The following EPHA8 variants were observed in gnomAD, a reference collection of about 807,000 sequenced individuals.
EPHA8 encodes ephrin type-A receptor 8.
In EPHA8, 58 loss-of-function variants were observed where a neutral mutation model predicts 103.6. That is an observed-to-expected ratio of 0.56 (90% CI 0.45 to 0.70). EPHA8 has a LOEUF of 0.70. Among genes scored for constraint, EPHA8 ranks in the 30% least tolerant of loss-of-function variants. The pLI, the probability that EPHA8 is intolerant of heterozygous loss-of-function variation, is 0.00. For synonymous variants in EPHA8, 559 were observed against 572.5 expected, an observed-to-expected ratio of 0.98 and a Z score of 0.34; for missense variants, 1,304 against 1,395.2, an observed-to-expected ratio of 0.93 and a Z score of 1.04.
At chr1:22,592,188 G>A (rs1202536487) in intron 5 of EPHA8, among the ~76,000 whole-genome samples, 6 of 152,056 alleles carry the variant, frequency 3.9e-5, no homozygotes, top group African/African-American at 1.4e-4. Context: ...GAGCCCTCTC[G>A]GACGCGAACC....
chr1:22,586,627 C>A lies in EPHA8; in HGVS notation c.971C>A (p.Ala324Asp). Reference sequence around the variant, plus strand: ...GCAGCCCTGGACCCGCCGTCCTCAGCCTGCACCCGTGAGTACCACTCCGAG... The same window carrying A: ...GCAGCCCTGGACCCGCCGTCCTCAGACTGCACCCGTGAGTACCACTCCGAG... ...YRAALDPPSS[A>D]CTRPPSAPVN... is the part of the protein sequence containing the mutation. Residue 324 changes from alanine (A) to aspartate (D), a missense_variant, in exon 4 of 17, where the codon GCC (alanine) becomes GAC (aspartate). Ala to Asp is a moderately radical substitution (Grantham distance 126, BLOSUM62 -2). Coordinates refer to ENST00000166244, the MANE Select transcript of EPHA8 (RefSeq NM_020526.5). The A allele has an allele frequency of 1.2e-6, 2 of 1,613,858 alleles. No individual in the cohort carries two copies. The highest frequency in any genetic ancestry group is 8.5e-7 in the Non-Finnish European group (1 of 1,179,908).
chr1:22,573,796 C>T (rs1157247728), intron 2 of EPHA8, among the ~76,000 whole-genome samples: 1 of 152,206 alleles, frequency 6.6e-6, no homozygotes, highest in African/African-American at 2.4e-5. Flanking sequence ...TTCTGCAGAC[C>T]TCCACCCTTG....
chr1:22,602,256 T>C lies in EPHA8; in HGVS notation c.*515T>C, dbSNP rs1180883643. ...GGAGGTGTGTGAGCAGGGAACTCAGTGTGACACCGCCAGGTCCAGCACCCA... is the reference window on the plus strand; with the variant it reads ...GGAGGTGTGTGAGCAGGGAACTCAGCGTGACACCGCCAGGTCCAGCACCCA... On this transcript the variant is annotated 3_prime_UTR_variant, in exon 17 of 17. Transcript: ENST00000166244. 1 of 174,256 alleles carries C rather than the reference T, an allele frequency of 5.7e-6. No homozygotes were observed. Among genetic ancestry groups the C allele is most frequent in the Non-Finnish European group, 1.2e-5 (1 of 84,266 alleles). 10.8% of individuals were successfully genotyped at this position (174,256 alleles called of 1,614,324 possible).
rs1160657874 is a variant in EPHA8, at chr1:22,600,755, T to C, written c.2483T>C (p.Met828Thr). 3.7e-6 allele frequency: 6 copies of C among 1,612,910 alleles called. No individual in the cohort carries two copies. Among genetic ancestry groups the C allele is most frequent in the Admixed American group, 1.7e-5 (1 of 59,912 alleles). ...GACGTGTGGAGCTTCGGCGTGGTCA[T>C]GTGGGAGGTGCTGGCCTATGGGGAG... Reference protein sequence around the residue: ...ASDVWSFGVVMWEVLAYGERP... With the variant: ...ASDVWSFGVVTWEVLAYGERP... The change falls in exon 14 of 17, where the codon ATG (methionine) becomes ACG (threonine). Residue 828 changes from methionine to threonine, a missense_variant. Physicochemically the swap from Met to Thr is moderately conservative, Grantham distance 81 (BLOSUM62 -1). Coordinates refer to ENST00000166244, the MANE Select transcript of EPHA8 (RefSeq NM_020526.5).
In EPHA8 at chr1:22,576,958, G is replaced by A. The variant is rs1349354854; in HGVS notation, c.823+78G>A. ...GGCAGGGCTGCCAGGGTGTAAGGGG[G>A]GACGTCAGAGCCCACAGGCACCTGA... On this transcript the variant is annotated intron_variant, in intron 3 of 16. Transcript: ENST00000166244. This position sits in a 1 kb window ranked among gnomAD's most constrained non-coding sequence, Gnocchi z 4.8. 1 of 1,466,598 alleles carries A rather than the reference G, an allele frequency of 6.8e-7. No homozygotes were observed. The highest frequency in any genetic ancestry group is 2.4e-5 in the East Asian group (1 of 41,638). 90.8% of individuals were successfully genotyped at this position (1,466,598 alleles called of 1,614,324 possible).
intron 1 of EPHA8, among the ~76,000 whole-genome samples, chr1:22,564,979 G>T (rs1640317246): frequency 6.6e-6 from 1 of 152,050 alleles, no homozygotes; most frequent in Non-Finnish European, 1.5e-5. Flanking sequence ...CACACACACA[G>T]GCTACTTGGG....
chr1:22,596,870 C>T (rs1641533641), intron 9 of EPHA8, among the ~76,000 whole-genome samples: 1 of 152,092 alleles, frequency 6.6e-6, no homozygotes, highest in Non-Finnish European at 1.5e-5. Context: ...GTTGTCCAGG[C>T]TGGTCTCGAA....
At chr1:22,593,792 G>A (rs1641443655) in intron 7 of EPHA8, 106 bp downstream of exon 7, 2 of 1,324,098 alleles carry the variant, frequency 1.5e-6, no homozygotes, top group Non-Finnish European at 2.0e-6. Context: ...CAGTGCCAAT[G>A]CAGGATTTCT....
At chr1:22,570,228 G>T (rs72875409) in intron 2 of EPHA8, among the ~76,000 whole-genome samples, 1 of 152,102 alleles carries the variant, frequency 6.6e-6, no homozygotes, top group African/African-American at 2.4e-5. Flanking sequence ...TCTCACCAGC[G>T]TGCTCAGAAA....
rs1641752399 is a variant in EPHA8 at position 22,601,977 on chromosome 1, CT to C, written c.*237del. The C allele has an allele frequency of 1.7e-6, 1 of 578,268 alleles. No individual in the cohort carries two copies. Among genetic ancestry groups the C allele is most frequent in the Non-Finnish European group, 3.0e-6 (1 of 331,388 alleles). 35.8% of individuals were successfully genotyped at this position (578,268 alleles called of 1,614,324 possible). On this transcript the variant is annotated 3_prime_UTR_variant, in exon 17 of 17. Coordinates refer to ENST00000166244, the MANE Select transcript of EPHA8 (RefSeq NM_020526.5). ...ACCTGTCCCCCAGGGCAGGCACCTTCTCTTTTCCAGAGCCTGGGGCCTCCAC... is the reference window on the plus strand; with the variant it reads ...ACCTGTCCCCCAGGGCAGGCACCTTCCTTTTCCAGAGCCTGGGGCCTCCAC...
intron 13 of EPHA8, among the ~76,000 whole-genome samples, chr1:22,600,168 G>A (rs1641677453): frequency 7.7e-6 from 1 of 129,356 alleles, no homozygotes; most frequent in African/African-American, 2.9e-5. Flanking sequence ...GAGGGAGGCA[G>A]GAAGGAAGGA....
In EPHA8 at chr1:22,570,375, TAC is replaced by T. The variant is rs67048136; in HGVS notation, c.159+1029_159+1030del. 6.2e-3 allele frequency among the ~76,000 whole-genome samples: 942 copies of T among 151,778 alleles called. 11 individuals are homozygous for T. The highest frequency in any genetic ancestry group is 0.018 in the African/African-American group (755 of 41,168). On this transcript the variant is annotated intron_variant, in intron 2 of 16. Transcript: ENST00000166244. ...ACACACATGCACACACGTGTGCGCG[TAC>T]ACACACGCGCGCGCGCATACGCACA...
intron 3 of EPHA8, among the ~76,000 whole-genome samples, chr1:22,584,205 A>G (rs981997467): frequency 1.3e-5 from 2 of 152,194 alleles, no homozygotes; most frequent in African/African-American, 4.8e-5. Context: ...CCTGTGCCCA[A>G]GGCTGTGCCC....
rs1303892334 is a variant in EPHA8 at position 22,593,639 on chromosome 1, G to A, written c.1556G>A (p.Gly519Asp). 2 of 1,606,898 alleles carry A rather than the reference G, an allele frequency of 1.2e-6. No homozygotes were observed. The highest frequency in any genetic ancestry group is 1.1e-5 in the South Asian group (1 of 89,940). Residue 519 changes from glycine to aspartate, a missense_variant, in exon 7 of 17, where the codon GGC becomes GAC. By Grantham distance (94) the Gly-to-Asp change is moderately conservative (BLOSUM62 -1). Transcript: ENST00000166244. ...CAGGTCCGAGCCCGCACCTCAGCAG[G>A]CTGTGGCCGCTTCAGCCAGGCCATG... ...VFQVRARTSA[G>D]CGRFSQAMEV...
At chr1:22,586,424 C>T in intron 3 of EPHA8, 56 bp from the exon 4 acceptor site, 2 of 1,589,542 alleles carry the variant, frequency 1.3e-6, no homozygotes, top group Non-Finnish European at 1.7e-6. Flanking sequence ...GAGCGGTCCC[C>T]AAGGCCAGCC....
Position 22,603,177 on chromosome 1 carries a change from C to T in EPHA8, c.*1436C>T, listed in dbSNP as rs1641787486. On this transcript the variant is annotated 3_prime_UTR_variant, in exon 17 of 17. Transcript: ENST00000166244. Reference sequence around the variant, plus strand: ...GCCCAGCTGCCCAGCCCTGCCCCCCCTCCCCATAGCCAGCACAGCTATCCC... The same window carrying T: ...GCCCAGCTGCCCAGCCCTGCCCCCCTTCCCCATAGCCAGCACAGCTATCCC... The T allele has an allele frequency of 6.6e-6, 1 of 152,452 alleles. No homozygotes were observed. The highest frequency in any genetic ancestry group is 1.9e-4 in the East Asian group (1 of 5,182). 9.4% of individuals were successfully genotyped at this position (152,452 alleles called of 1,614,324 possible). A position where few individuals can be genotyped will look rare whatever the true frequency, so the allele number is the denominator to read the frequency against.
rs1257012529 is a variant in EPHA8, at chr1:22,598,972, C to G, written c.2313C>G (p.Asn771Lys). The change falls in exon 13 of 17, where the codon AAC (asparagine) becomes AAG (lysine). Residue 771 changes from asparagine to lysine, a missense_variant. Asn to Lys is a moderately conservative substitution (Grantham distance 94). Coordinates refer to ENST00000166244, the MANE Select transcript of EPHA8 (RefSeq NM_020526.5). This position sits in a 1 kb window ranked among gnomAD's most constrained non-coding sequence, Gnocchi z 5.1. ...LAARNVLVDS[N>K]LVCKVSDFGL... ...CCCGCAACGTCCTGGTTGACAGCAA[C>G]CTGGTCTGCAAGGTGTCTGACTTCG... 2.5e-6 allele frequency: 4 copies of G among 1,612,290 alleles called. No homozygotes were observed. The highest frequency in any genetic ancestry group is 1.6e-4 in the Middle Eastern group (1 of 6,082).
Position 22,600,667 on chromosome 1 carries a change from A to G in EPHA8, c.2395A>G (p.Lys799Glu), listed in dbSNP as rs780431554. Residue 799 changes from lysine (K) to glutamate (E), a missense_variant, in exon 14 of 17, where the codon AAG (lysine) becomes GAG (glutamate). Transcript: ENST00000166244. The stretch of plus-strand genomic sequence containing the variant: ...TCTTGTGTGTCCGTCGCAGGGCGGG[A>G]AGATCCCCATCCGCTGGACGGCCCC... The part of the protein sequence containing the change: ...PDAAYTTTGG[K>E]IPIRWTAPEA... The G allele has an allele frequency of 6.2e-7, 1 of 1,613,082 alleles. No homozygotes were observed. The highest frequency in any genetic ancestry group is 8.5e-7 in the Non-Finnish European group (1 of 1,179,780).
chr1:22,596,310 G>T, intron 9 of EPHA8, 137 bp downstream of exon 9: 1 of 815,356 alleles, frequency 1.2e-6, no homozygotes, highest in Non-Finnish European at 2.0e-6. Context: ...ATTCCAGGGT[G>T]TCACAGAGAC....
Sources: gnomAD v4.1 joint callset for allele counts (sites outside exome capture counted in the v4.1 genomes callset) on GRCh38, gnomAD v4.1.1 for gene constraint, Gnocchi (gnomAD v3.1) non-coding constraint, MANE v1.5 for transcripts, NCBI Gene and HGNC (gene_info 2026-07-23, HGNC 2026-07-21) for gene names.